Variants in CACNA2D1 observed in about 807,000 individuals in gnomAD.
CACNA2D1 encodes the protein calcium voltage-gated channel auxiliary subunit alpha2delta 1.
Under a neutral mutation model 171.5 loss-of-function variants are expected in CACNA2D1, and 53 were observed. The observed-to-expected ratio is 0.31, with a 90% confidence interval of 0.25 to 0.39. The LOEUF is 0.39. Among genes scored for constraint, CACNA2D1 ranks in the 10% least tolerant of loss-of-function variants. CACNA2D1 has a pLI of 1.00. For synonymous variants in CACNA2D1, 442 were observed against 443.1 expected, an observed-to-expected ratio of 1.00 and a Z score of 0.03; for missense variants, 903 against 1,299.8, an observed-to-expected ratio of 0.69 and a Z score of 4.69.
Position 81,956,780 on chromosome 7 carries a change from G to A in CACNA2D1, c.3159+2495C>T, listed in dbSNP as rs115387033. On this transcript the variant is annotated intron_variant, in intron 38 of 38. Coordinates refer to ENST00000356860, the MANE Select transcript of CACNA2D1 (RefSeq NM_000722.4). ...CTTGGAAACCAATGACAAACACAAC[G>A]AAAGTGCGTGCTCTAGTAATACATC... Among the ~76,000 whole-genome samples, 1,201 of 152,092 alleles carry A rather than the reference G, an allele frequency of 7.9e-3. 16 individuals carry two copies. The highest frequency in any genetic ancestry group is 0.027 in the African/African-American group (1,137 of 41,504).
chr7:81,976,841 C>T (rs1326480336), intron 24 of CACNA2D1, among the ~76,000 whole-genome samples: 3 of 151,932 alleles, frequency 2.0e-5, no homozygotes, highest in Non-Finnish European at 2.9e-5. Context: ...GAAACAAAAG[C>T]GAGACTGTAT....
intron 1 of CACNA2D1, among the ~76,000 whole-genome samples, chr7:82,380,169 T>C (rs11978606): frequency 0.028 from 4,309 of 152,214 alleles, 195 homozygotes; most frequent in African/African-American, 0.098. Context: ...TAAAGCATGG[T>C]TCATTTCAAA....
At chr7:82,436,319 C>A (rs2129459443) in intron 1 of CACNA2D1, among the ~76,000 whole-genome samples, 1 of 152,146 alleles carries the variant, frequency 6.6e-6, no homozygotes, top group Non-Finnish European at 1.5e-5. Flanking sequence ...CAAGTTATTT[C>A]TTTCTTGTAA....
chr7:82,222,220 A>G (rs1801847321), intron 3 of CACNA2D1, among the ~76,000 whole-genome samples: 1 of 152,226 alleles, frequency 6.6e-6, no homozygotes, highest in Admixed American at 6.5e-5. Context: ...TTACTACTGT[A>G]TGGCAGGGAT....
Position 82,053,157 on chromosome 7 carries a change from CAGG to C in CACNA2D1, c.879+7268_879+7270del, listed in dbSNP as rs530303790. ...TTCCCAGCTACTCAGGAGGCTGAGG[CAGG>C]AGAATGGCGTGAACCTGGGAGGCGG... On this transcript the variant is annotated intron_variant, in intron 10 of 38. Transcript: ENST00000356860. 1.6e-4 allele frequency among the ~76,000 whole-genome samples: 24 copies of C among 147,920 alleles called. No homozygotes were observed. The East Asian group carries it at 4.6e-3, about 28-fold the overall frequency.
intron 3 of CACNA2D1, among the ~76,000 whole-genome samples, chr7:82,278,188 T>C (rs1204946457): frequency 6.6e-6 from 1 of 152,234 alleles, no homozygotes; most frequent in Non-Finnish European, 1.5e-5. Context: ...ATCTATCAAC[T>C]TCTTATGTTA....
At chr7:82,030,400 G>T (rs780734131) in intron 12 of CACNA2D1, among the ~76,000 whole-genome samples, 1 of 140,094 alleles carries the variant, frequency 7.1e-6, no homozygotes, top group Non-Finnish European at 1.5e-5. Context: ...AGAGAATTCC[G>T]AAACAGGAAA....
At chr7:82,098,167 G>A (rs1812158494) in intron 6 of CACNA2D1, among the ~76,000 whole-genome samples, 1 of 152,014 alleles carries the variant, frequency 6.6e-6, no homozygotes, top group South Asian at 2.1e-4. Context: ...CAAGAAATAG[G>A]AATCAGATAG....
chr7:82,199,282 G>A (rs776929082), intron 3 of CACNA2D1, among the ~76,000 whole-genome samples: 4 of 151,930 alleles, frequency 2.6e-5, no homozygotes, highest in East Asian at 1.9e-4. Flanking sequence ...TGTTACAAAG[G>A]CTCACAATAA....
intron 24 of CACNA2D1, among the ~76,000 whole-genome samples, chr7:81,980,006 A>G (rs915454207): frequency 3.3e-5 from 5 of 151,870 alleles, no homozygotes; most frequent in Non-Finnish European, 7.4e-5. Context: ...TCTATGAAGC[A>G]GTCAGGAAGG....
At chr7:82,351,682 T>A (rs1324032802) in intron 1 of CACNA2D1, among the ~76,000 whole-genome samples, 1 of 152,174 alleles carries the variant, frequency 6.6e-6, no homozygotes, top group Non-Finnish European at 1.5e-5. Flanking sequence ...TGCTACTTAT[T>A]AGCTGGTGCC....
At chr7:82,107,918 GT>G (rs1216968148) in intron 6 of CACNA2D1, among the ~76,000 whole-genome samples, 1 of 151,992 alleles carries the variant, frequency 6.6e-6, no homozygotes, top group Non-Finnish European at 1.5e-5. Flanking sequence ...TATTGAGATT[GT>G]TTTTATGTCT....
At chr7:81,954,307 T>C (rs1171988697) in intron 38 of CACNA2D1, among the ~76,000 whole-genome samples, 1 of 152,002 alleles carries the variant, frequency 6.6e-6, no homozygotes, top group East Asian at 1.9e-4. Context: ...GCCAATATTA[T>C]ATATATATTT....
At chr7:82,336,270 T>A (rs1338219150) in intron 2 of CACNA2D1, among the ~76,000 whole-genome samples, 1 of 152,200 alleles carries the variant, frequency 6.6e-6, no homozygotes, top group Admixed American at 6.5e-5. Context: ...TGATCCCAGC[T>A]GCGCACTGAT....
At chr7:82,341,442 C>T (rs1444965713) in intron 2 of CACNA2D1, among the ~76,000 whole-genome samples, 2 of 152,090 alleles carry the variant, frequency 1.3e-5, no homozygotes, top group African/African-American at 4.8e-5. Context: ...CTCCTTTTCC[C>T]CATGAAAATT....
chr7:82,277,747 TTTA>T (rs1809541823), intron 3 of CACNA2D1, among the ~76,000 whole-genome samples: 5 of 148,100 alleles, frequency 3.4e-5, no homozygotes, highest in Non-Finnish European at 7.5e-5. Context: ...ATTTTTTACT[TTTA>T]TTTTTTTTTT....
chr7:81,961,397 T>G (rs1487534086), intron 36 of CACNA2D1, among the ~76,000 whole-genome samples: 1 of 151,870 alleles, frequency 6.6e-6, no homozygotes, highest in African/African-American at 2.4e-5. Flanking sequence ...AAGATAACAT[T>G]CAGTTCTTCA....
intron 3 of CACNA2D1, among the ~76,000 whole-genome samples, chr7:82,178,804 C>T (rs572820339): frequency 3.3e-5 from 5 of 152,178 alleles, no homozygotes; most frequent in East Asian, 3.9e-4. Flanking sequence ...ATACTCAATT[C>T]GCCCTCCCTC....
chr7:82,165,922 T>C (rs1024708790), intron 4 of CACNA2D1, among the ~76,000 whole-genome samples: 1 of 152,040 alleles, frequency 6.6e-6, no homozygotes, highest in East Asian at 1.9e-4. Context: ...ATTAAGACAA[T>C]GCTACGCTCT....
Sources: gnomAD v4.1 joint callset for allele counts (sites outside exome capture counted in the v4.1 genomes callset) on GRCh38, gnomAD v4.1.1 for gene constraint, MANE v1.5 for transcripts, NCBI Gene and HGNC (gene_info 2026-07-23, HGNC 2026-07-21) for gene names.